RASSF8: variants seen among roughly 807,000 people sequenced by gnomAD.
RASSF8 encodes Ras association domain family member 8, also known as ras association domain-containing protein 8.
In RASSF8, 22 loss-of-function variants were observed where a neutral mutation model predicts 48.5. The observed-to-expected ratio is 0.45, with a 90% CI of 0.32 to 0.65. The LOEUF (loss-of-function observed/expected upper bound fraction) is 0.65, where lower values mean the gene tolerates loss of function less well. Among genes scored for constraint, RASSF8 ranks in the 30% least tolerant of loss-of-function variants. The pLI, the probability that RASSF8 is intolerant of heterozygous loss-of-function variation, is 0.03. For synonymous variants in RASSF8, 127 were observed against 171.5 expected (o/e 0.74, Z 2.03); for missense variants, 418 against 489.2 (o/e 0.85, Z 1.37).
intron 2 of RASSF8, among the ~76,000 whole-genome samples, chr12:26,028,686 G>A (rs1942966742): frequency 6.6e-6 from 1 of 152,182 alleles, no homozygotes; most frequent in African/African-American, 2.4e-5. Context: ...GCTCCTTCTT[G>A]TATTATATGT....
At chr12:26,010,718 G>T (rs1393174052) in intron 2 of RASSF8, among the ~76,000 whole-genome samples, 3 of 152,118 alleles carry the variant, frequency 2.0e-5, no homozygotes, top group African/African-American at 7.2e-5. Flanking sequence ...GGAGGGAAAG[G>T]AATGCTTCTG....
downstream of RASSF8, among the ~76,000 whole-genome samples, chr12:26,077,465 T>G (rs1482504448): frequency 6.6e-6 from 1 of 152,230 alleles, no homozygotes; most frequent in Non-Finnish European, 1.5e-5. Context: ...GGATCCAGTT[T>G]CAGCTTTCTA....
At chr12:26,047,198 C>G (rs1004561000) in intron 2 of RASSF8, among the ~76,000 whole-genome samples, 1 of 152,052 alleles carries the variant, frequency 6.6e-6, no homozygotes, top group Non-Finnish European at 1.5e-5. Flanking sequence ...AATACTGCAG[C>G]AAGAAATGGA....
chr12:26,018,771 G>A (rs944783575), intron 2 of RASSF8, among the ~76,000 whole-genome samples: 3 of 152,150 alleles, frequency 2.0e-5, no homozygotes, highest in African/African-American at 7.2e-5. Context: ...GATTTGATAC[G>A]GCCCCAGACC....
At chr12:26,005,917 G>C (rs992303754) in intron 2 of RASSF8, among the ~76,000 whole-genome samples, 16 of 152,198 alleles carry the variant, frequency 1.1e-4, no homozygotes, top group African/African-American at 3.6e-4. Context: ...CCAGAGTTCT[G>C]TATCAGTTGA....
At position 26,071,833 on chromosome 12, in the gene RASSF8, A is replaced by T. The variant is rs888089114; in HGVS notation, c.*3015A>T. On this transcript the variant is annotated 3_prime_UTR_variant, in exon 6 of 6. Transcript: ENST00000689635. ...ATACAGTAAAAAAAAAATAGAATTT[A>T]TGGTGTGAAATATGAAGTATAGCAA... The T allele has an allele frequency of 1.0e-6, 1 of 982,786 alleles. No individual in the cohort carries two copies. Among genetic ancestry groups the T allele is most frequent in the African/African-American group, 1.7e-5 (1 of 57,164 alleles). The allele number at this position is 982,786 out of a possible 1,614,324, so 60.9% of individuals were successfully genotyped here.
intron 2 of RASSF8, among the ~76,000 whole-genome samples, chr12:26,034,298 A>G (rs770509481): frequency 2.4e-4 from 36 of 151,968 alleles, no homozygotes; most frequent in Non-Finnish European, 4.3e-4. Context: ...AAATAGCCCT[A>G]TGGTCTGTCT....
At chr12:26,066,099 TAAG>T (rs1446714779) in intron 4 of RASSF8, among the ~76,000 whole-genome samples, 2 of 152,150 alleles carry the variant, frequency 1.3e-5, no homozygotes, top group Non-Finnish European at 2.9e-5. Flanking sequence ...GATTAAATAA[TAAG>T]GCAGTTAAAT....
chr12:25,961,527 A>C (rs886521531), intron 1 of RASSF8, among the ~76,000 whole-genome samples: 4 of 152,178 alleles, frequency 2.6e-5, no homozygotes, highest in African/African-American at 9.7e-5. Flanking sequence ...AGTGGAAAGA[A>C]TGTTTACCCC....
intron 2 of RASSF8, among the ~76,000 whole-genome samples, chr12:26,008,705 C>T (rs1018848915): frequency 1.3e-5 from 2 of 152,194 alleles, no homozygotes; most frequent in Non-Finnish European, 2.9e-5. Flanking sequence ...GGCTTGACCT[C>T]AGCTCTCTAG....
chr12:26,071,063 AT>A lies in RASSF8; in HGVS notation c.*2248del, dbSNP rs920108777. 1.0e-6 allele frequency: 1 copy of A among 983,734 alleles called. No homozygotes were observed. Among genetic ancestry groups the A allele is most frequent in the Non-Finnish European group, 1.2e-6 (1 of 828,516 alleles). The allele number at this position is 983,734 out of a possible 1,614,324, so 60.9% of individuals were successfully genotyped here. ...TAGACCTAATTACAGATTTAAAAAAATTTCCTAGGCGACGAAAGTATAGAAA... is the reference window on the plus strand; with the variant it reads ...TAGACCTAATTACAGATTTAAAAAAATTCCTAGGCGACGAAAGTATAGAAA... On this transcript the variant is annotated 3_prime_UTR_variant, in exon 6 of 6. Transcript: ENST00000689635.
chr12:25,984,563 G>A (rs1335893628), intron 1 of RASSF8, among the ~76,000 whole-genome samples: 2 of 152,118 alleles, frequency 1.3e-5, no homozygotes, highest in Admixed American at 6.5e-5. Context: ...GGATGGTCTC[G>A]ACCTCTTGAC....
chr12:26,006,436 T>G (rs1942393589), intron 2 of RASSF8, among the ~76,000 whole-genome samples: 1 of 152,218 alleles, frequency 6.6e-6, no homozygotes, highest in African/African-American at 2.4e-5. Flanking sequence ...AAGACTAAAT[T>G]ATATATGTAA....
At chr12:26,018,928 A>G (rs906899843) in intron 2 of RASSF8, among the ~76,000 whole-genome samples, 1 of 152,232 alleles carries the variant, frequency 6.6e-6, no homozygotes, top group African/African-American at 2.4e-5. Context: ...CCTCCCATGC[A>G]TCATGGCTAA....
intron 2 of RASSF8, among the ~76,000 whole-genome samples, chr12:26,012,693 T>C (rs1942557479): frequency 6.6e-6 from 1 of 150,850 alleles, no homozygotes. Flanking sequence ...TTTTTTTTTT[T>C]TTTTTGAGAT....
intron 2 of RASSF8, among the ~76,000 whole-genome samples, chr12:26,015,966 G>C (rs952907309): frequency 3.9e-5 from 6 of 152,080 alleles, no homozygotes; most frequent in Non-Finnish European, 7.4e-5. Flanking sequence ...TCAAGTGCTT[G>C]TGGCCAGTTG....
In RASSF8 at chr12:26,068,969, C is replaced by T; in HGVS notation, c.*151C>T. 1 of 1,388,236 alleles carries T rather than the reference C, an allele frequency of 7.2e-7. No homozygotes were observed. The highest frequency in any genetic ancestry group is 9.3e-7 in the Non-Finnish European group (1 of 1,072,030). 86.0% of individuals were successfully genotyped at this position (1,388,236 alleles called of 1,614,324 possible). ...ATTGCATACCACTTGGAGCCATACC[C>T]TGTGCACTGATGCTAAAGAACAAAG... On this transcript the variant is annotated 3_prime_UTR_variant, in exon 6 of 6. Transcript: ENST00000689635.
intron 2 of RASSF8, among the ~76,000 whole-genome samples, chr12:26,000,615 T>C (rs117126192): frequency 0.026 from 3,988 of 152,250 alleles, 80 homozygotes; most frequent in Non-Finnish European, 0.039. Flanking sequence ...TAGAGTGTAC[T>C]TCTACAAACC....
rs561109583 is a variant in RASSF8, at chr12:26,018,421, A to C, written c.-109+23291A>C. ...AAATTTTCTAACATGTCACTTTAAC[A>C]TTTTTTTATTGACAGATAAAATTTA... On this transcript the variant is annotated intron_variant, in intron 2 of 5. Coordinates refer to ENST00000689635, the MANE Select transcript of RASSF8 (RefSeq NM_001394098.1). Among the ~76,000 whole-genome samples the C allele has an allele frequency of 8.5e-5, 13 of 152,266 alleles. No homozygotes were observed. In the East Asian group the frequency reaches 2.3e-3, roughly 27 times the overall value.
Sources: allele counts gnomAD v4.1 joint callset (sites outside exome capture counted in the v4.1 genomes callset), GRCh38; gene constraint gnomAD v4.1.1; transcripts MANE v1.5; gene names NCBI Gene and HGNC (gene_info 2026-07-23, HGNC 2026-07-21).